ARFGEF1: variants seen among roughly 807,000 people sequenced by gnomAD.
ARFGEF1 encodes brefeldin A-inhibited guanine nucleotide-exchange protein 1.
A neutral mutation model predicts 231.0 loss-of-function variants in ARFGEF1; 42 were observed. The ratio of observed to expected loss-of-function variants is 0.18; its 90% CI spans 0.14 to 0.24. The LOEUF (loss-of-function observed/expected upper bound fraction) is 0.24, where lower values mean the gene tolerates loss of function less well. ARFGEF1 is among the 10% of genes least tolerant of loss of function. ARFGEF1 has a pLI of 1.00. For missense variants in ARFGEF1, 1,345 were observed against 2,192.0 expected, an observed-to-expected ratio of 0.61 and a Z score of 7.72; for synonymous variants, 710 against 732.3, an observed-to-expected ratio of 0.97 and a Z score of 0.49.
At chr8:67,261,464 A>G (rs1804617858) in intron 14 of ARFGEF1, among the ~76,000 whole-genome samples, 1 of 152,244 alleles carries the variant, frequency 6.6e-6, no homozygotes, top group Admixed American at 6.5e-5. Flanking sequence ...CCTGGATGAC[A>G]GCACCAGCTG....
At chr8:67,219,148 G>C (rs1839061441) in intron 30 of ARFGEF1, among the ~76,000 whole-genome samples, 1 of 152,146 alleles carries the variant, frequency 6.6e-6, no homozygotes, top group Admixed American at 6.5e-5. Context: ...TGTATTTTTA[G>C]TAGAGATGGG....
chr8:67,311,332 G>A lies in ARFGEF1; in HGVS notation c.125-8866C>T, dbSNP rs9693683. Among the ~76,000 whole-genome samples the A allele has an allele frequency of 5.6e-4, 72 of 128,872 alleles. 3 individuals are homozygous for A. Among genetic ancestry groups the A allele is most frequent in the African/African-American group, 2.2e-3 (72 of 33,342 alleles). 84.5% of individuals were successfully genotyped at this position (128,872 alleles called of 152,430 possible). ...CCCGGCCAGCTGCCCCATCCAGGAGGTGAGGGGCGCCTCTGCCCGGCCGCC... is the reference window on the plus strand; with the variant it reads ...CCCGGCCAGCTGCCCCATCCAGGAGATGAGGGGCGCCTCTGCCCGGCCGCC... On this transcript the variant is annotated intron_variant, in intron 1 of 38. Transcript: ENST00000262215.
chr8:67,301,453 C>T (rs1806485754), intron 2 of ARFGEF1, 73 bp from the exon 3 acceptor site: 4 of 1,447,976 alleles, frequency 2.8e-6, no homozygotes, highest in Non-Finnish European at 3.7e-6. Context: ...TGTAGAAACA[C>T]AGAATTTCAG....
intron 29 of ARFGEF1, among the ~76,000 whole-genome samples, chr8:67,223,602 T>G (rs1370020295): frequency 6.6e-6 from 1 of 152,138 alleles, no homozygotes; most frequent in South Asian, 2.1e-4. Flanking sequence ...CTTTACTAAC[T>G]AGAACACACA....
At chr8:67,302,511 A>G in intron 1 of ARFGEF1, 45 bp from the exon 2 acceptor site, 11 of 1,383,228 alleles carry the variant, frequency 8.0e-6, no homozygotes, top group Non-Finnish European at 1.1e-5. Context: ...ACTGGACAGC[A>G]GAAAGACTGA....
intron 7 of ARFGEF1, among the ~76,000 whole-genome samples, chr8:67,280,867 T>C (rs961566667): frequency 4.6e-5 from 7 of 152,076 alleles, no homozygotes; most frequent in African/African-American, 7.2e-5. Context: ...TTTCTACAAA[T>C]AGGCAAAAAC....
chr8:67,234,265 G>A (rs955981492), intron 22 of ARFGEF1, among the ~76,000 whole-genome samples: 1 of 152,120 alleles, frequency 6.6e-6, no homozygotes, highest in Non-Finnish European at 1.5e-5. Flanking sequence ...TACACCAGGA[G>A]AGACAGATAT....
At chr8:67,334,411 G>C (rs1587343755) in intron 1 of ARFGEF1, among the ~76,000 whole-genome samples, 1 of 151,978 alleles carries the variant, frequency 6.6e-6, no homozygotes, top group African/African-American at 2.4e-5. Context: ...ATAACAACTA[G>C]GATGGCTAAA....
chr8:67,275,892 C>G (rs928003882), intron 9 of ARFGEF1, 84 bp downstream of exon 9: 6 of 1,535,506 alleles, frequency 3.9e-6, no homozygotes, highest in Non-Finnish European at 5.3e-6. Flanking sequence ...ACAAAAAGAA[C>G]AAAAGAAAAT....
intron 9 of ARFGEF1, 48 bp from the exon 10 acceptor site, chr8:67,271,984 T>A: frequency 8.4e-7 from 1 of 1,188,026 alleles, no homozygotes; most frequent in Non-Finnish European, 1.2e-6. Flanking sequence ...GTTGGCATTA[T>A]AGTAATAACA....
intron 7 of ARFGEF1, among the ~76,000 whole-genome samples, chr8:67,284,672 A>G (rs547826041): frequency 6.6e-6 from 1 of 152,334 alleles, no homozygotes; most frequent in East Asian, 1.9e-4. Context: ...AAAGATGAGG[A>G]GCAACCTTGT....
At chr8:67,273,441 A>G (rs946197683) in intron 9 of ARFGEF1, among the ~76,000 whole-genome samples, 5 of 149,726 alleles carry the variant, frequency 3.3e-5, no homozygotes, top group Non-Finnish European at 7.4e-5. Context: ...AAAAAAAAAA[A>G]AAAAGTAGCC....
Position 67,296,512 on chromosome 8 carries a change from T to G in ARFGEF1, c.558A>C (p.Lys186Asn). ...RTCYNIYLAS[K>N]NLINQTTAKA... ...TGGCTGTTGTCTGATTGATGAGATTTTTGCTTGCTAAGTAGATATTGTAAC... is the reference window on the plus strand; with the variant it reads ...TGGCTGTTGTCTGATTGATGAGATTGTTGCTTGCTAAGTAGATATTGTAAC... The change falls in exon 5 of 39, where the codon AAA becomes AAC. Residue 186 changes from lysine (K) to asparagine (N), a missense_variant. Around this residue, in one of 14 missense-constraint regions of ARFGEF1, gnomAD observed 398 missense variants for 463.2 expected, o/e 0.86. Coordinates refer to ENST00000262215, the MANE Select transcript of ARFGEF1 (RefSeq NM_006421.5). 6.2e-7 allele frequency: 1 copy of G among 1,614,080 alleles called. No homozygotes were observed. The highest frequency in any genetic ancestry group is 8.5e-7 in the Non-Finnish European group (1 of 1,179,990).
chr8:67,287,635 T>A (rs1353268855), intron 7 of ARFGEF1, among the ~76,000 whole-genome samples: 1 of 152,216 alleles, frequency 6.6e-6, no homozygotes, highest in African/African-American at 2.4e-5. Flanking sequence ...CACTTATCCA[T>A]ATTTTTGTCT....
intron 6 of ARFGEF1, among the ~76,000 whole-genome samples, chr8:67,291,316 G>A (rs933607605): frequency 6.6e-6 from 1 of 151,700 alleles, no homozygotes; most frequent in South Asian, 2.1e-4. Flanking sequence ...AAAAATCAGA[G>A]AACATCTCAA....
chr8:67,272,635 T>C (rs1805144436), intron 9 of ARFGEF1, among the ~76,000 whole-genome samples: 1 of 152,206 alleles, frequency 6.6e-6, no homozygotes, highest in Non-Finnish European at 1.5e-5. Context: ...ATATTTAGTA[T>C]TAATACACAA....
At chr8:67,296,665 T>C in intron 4 of ARFGEF1, 55 bp from the exon 5 acceptor site, 1 of 1,370,486 alleles carries the variant, frequency 7.3e-7, no homozygotes, top group Non-Finnish European at 9.8e-7. Flanking sequence ...TTTTTTTTTT[T>C]GGAGACAGTC....
At chr8:67,207,562 G>A (rs1838566336) in intron 34 of ARFGEF1, among the ~76,000 whole-genome samples, 1 of 152,180 alleles carries the variant, frequency 6.6e-6, no homozygotes, top group Admixed American at 6.5e-5. Flanking sequence ...GGTTATATTA[G>A]TCAACCATTT....
At chr8:67,296,907 C>A (rs1199471944) in intron 4 of ARFGEF1, among the ~76,000 whole-genome samples, 29 of 152,168 alleles carry the variant, frequency 1.9e-4, no homozygotes, top group Admixed American at 1.9e-3. Context: ...CCACCTCAGC[C>A]TCCCAAAGTG....
Sources: allele counts gnomAD v4.1 joint callset (sites outside exome capture counted in the v4.1 genomes callset), GRCh38; gene constraint gnomAD v4.1.1; regional missense constraint gnomAD v4.1.1; transcripts MANE v1.5; gene names NCBI Gene and HGNC (gene_info 2026-07-23, HGNC 2026-07-21).